Variants in IGSF9B observed in about 807,000 individuals in gnomAD.
IGSF9B encodes the protein immunoglobulin superfamily member 9B, also known as protein turtle homolog B.
In IGSF9B, 48 loss-of-function variants were observed where a neutral mutation model predicts 143.7. That is an observed-to-expected ratio of 0.33 (90% CI 0.26 to 0.42). IGSF9B has a LOEUF of 0.42. Among genes scored for constraint, IGSF9B ranks in the 20% least tolerant of loss-of-function variants. IGSF9B has a pLI of 1.00. For missense variants in IGSF9B, 1,706 were observed against 1,980.0 expected (o/e 0.86, Z 2.63); for synonymous variants, 903 against 833.1 (o/e 1.08, Z -1.44).
chr11:133,919,061 T>G, intron 18 of IGSF9B: 3 of 474,146 alleles, frequency 6.3e-6, no homozygotes, highest in South Asian at 4.5e-5. Context: ...GAGTGCTCTC[T>G]CAGGCGGGCT....
Position 133,945,856 on chromosome 11 carries a change from G to A in IGSF9B, c.262+205C>T, listed in dbSNP as rs990418251. 5.9e-5 allele frequency among the ~76,000 whole-genome samples: 9 copies of A among 152,008 alleles called. No individual in the cohort carries two copies. Among genetic ancestry groups the A allele is most frequent in the African/African-American group, 2.2e-4 (9 of 41,376 alleles). On this transcript the variant is annotated intron_variant, in intron 2 of 19. Coordinates refer to ENST00000533871, the MANE Select transcript of IGSF9B (RefSeq NM_001277285.4). This position sits in a 1 kb window ranked among gnomAD's most constrained non-coding sequence, Gnocchi z 4.6. ...TCCACAGCCCAGGCGGTGCTGTTCA[G>A]AAGGCTTTACCCTGCCCCACCTCCA...
In IGSF9B at chr11:133,920,948, G is replaced by A; in HGVS notation, c.2777C>T (p.Pro926Leu). Residue 926 changes from proline (P) to leucine (L), a missense_variant, in exon 18 of 20, where the codon CCA becomes CTA. By Grantham distance (98) the Pro-to-Leu change is moderately conservative. Coordinates refer to ENST00000533871, the MANE Select transcript of IGSF9B (RefSeq NM_001277285.4). ...SSSQESYLPPPAYSPRFQPRG... is the reference protein window; with the variant it reads ...SSSQESYLPPLAYSPRFQPRG... ...GGGCTGGAACCGAGGGCTGTATGCTGGTGGTGGCAGGTAGGACTCCTGGCT... is the reference window on the plus strand; with the variant it reads ...GGGCTGGAACCGAGGGCTGTATGCTAGTGGTGGCAGGTAGGACTCCTGGCT... The A allele has an allele frequency of 6.2e-7, 1 of 1,610,808 alleles. No individual in the cohort carries two copies.
At chr11:133,923,527 TTA>T in intron 15 of IGSF9B, among the ~76,000 whole-genome samples, 1 of 152,230 alleles carries the variant, frequency 6.6e-6, no homozygotes, top group Non-Finnish European at 1.5e-5. Context: ...GCCTACCATC[TTA>T]TACTCATAGG....
At chr11:133,944,902 C>T (rs60365592) in intron 2 of IGSF9B, among the ~76,000 whole-genome samples, 6,088 of 152,180 alleles carry the variant, frequency 0.04, 395 homozygotes, top group African/African-American at 0.14. Flanking sequence ...ATGCTAGGGT[C>T]CCCTCCCAGT....
Position 133,921,254 on chromosome 11 carries a change from T to G in IGSF9B, c.2471A>C (p.Lys824Thr). 1 of 1,611,076 alleles carries G rather than the reference T, an allele frequency of 6.2e-7. No individual in the cohort carries two copies. The highest frequency in any genetic ancestry group is 8.5e-7 in the Non-Finnish European group (1 of 1,179,122). The change falls in exon 18 of 20, where the codon AAG becomes ACG. Residue 824 changes from lysine to threonine, a missense_variant. Lys to Thr is a moderately conservative substitution (Grantham distance 78). This residue lies in a region of IGSF9B where 135 missense variants were observed against 181.3 expected (regional missense o/e 0.74). Transcript: ENST00000533871. ...GTACTTCTTGCTGCTGATGGCCCGC[T>G]TGGTCTTCTTGTACAGCGACAGCTC... ...EKELSLYKKT[K>T]RAISSKKYSV...
At chr11:133,922,129 G>A (rs774342104) in intron 17 of IGSF9B, 48 bp downstream of exon 17, 37 of 1,546,044 alleles carry the variant, frequency 2.4e-5, no homozygotes, top group African/African-American at 6.8e-5. Context: ...CTACCTATGC[G>A]CCCCCTGCCA....
At position 133,898,414 on chromosome 11, in the gene IGSF9B, A is replaced by C. The variant is rs745653607; in HGVS notation, c.*10655T>G. ...GACCACCAGGTGAAATGGAGGAAAGAAGCTCATCTAAAACTTGCCCCCAGG... is the reference window on the plus strand; with the variant it reads ...GACCACCAGGTGAAATGGAGGAAAGCAGCTCATCTAAAACTTGCCCCCAGG... On this transcript the variant is annotated 3_prime_UTR_variant, in exon 20 of 20. Transcript: ENST00000533871. 1.3e-5 allele frequency: 2 copies of C among 153,304 alleles called. No homozygotes were observed. The highest frequency in any genetic ancestry group is 2.4e-5 in the African/African-American group (1 of 41,450). 9.5% of individuals were successfully genotyped at this position (153,304 alleles called of 1,614,324 possible). A position where few individuals can be genotyped will look rare whatever the true frequency, so the allele number is the denominator to read the frequency against.
rs547183245 is a variant in IGSF9B at position 133,914,249 on chromosome 11, G to A, written c.3984-2242C>T. On this transcript the variant is annotated intron_variant, in intron 18 of 19. Coordinates refer to ENST00000533871, the MANE Select transcript of IGSF9B (RefSeq NM_001277285.4). The stretch of plus-strand genomic sequence containing the variant: ...AGATGGAGACACTGAAGTTTAGAGA[G>A]GTGAGCAACCTGTCGAATCATCCAG... Among the ~76,000 whole-genome samples, 3 of 152,248 alleles carry A rather than the reference G, an allele frequency of 2.0e-5. No individual in the cohort carries two copies. The East Asian group carries it at 5.8e-4, about 29-fold the overall frequency.
chr11:133,916,455 C>CCTGCATCTCCCCAGGACCCA (rs1420986680), intron 18 of IGSF9B, among the ~76,000 whole-genome samples: 3 of 152,168 alleles, frequency 2.0e-5, no homozygotes, highest in Non-Finnish European at 2.9e-5. Flanking sequence ...CTGAACAGAG[C>CCTGCATCTCCCCAGGACCCA]CTGCATCTCC....
intron 19 of IGSF9B, among the ~76,000 whole-genome samples, chr11:133,910,219 G>A (rs533603704): frequency 6.6e-6 from 1 of 152,316 alleles, no homozygotes; most frequent in African/African-American, 2.4e-5. Context: ...ACACACGCCT[G>A]CACGTGTGTG....
In IGSF9B at chr11:133,936,160, G is replaced by A. The variant is rs1939818646; in HGVS notation, c.714C>T (p.Ile238=). The A allele has an allele frequency of 1.2e-6, 2 of 1,612,078 alleles. No homozygotes were observed. Among genetic ancestry groups the A allele is most frequent in the Non-Finnish European group, 1.7e-6 (2 of 1,179,140 alleles). The change falls in exon 6 of 20, where the codon ATC becomes ATT. Residue 238 remains isoleucine, a synonymous_variant. Coordinates refer to ENST00000533871, the MANE Select transcript of IGSF9B (RefSeq NM_001277285.4). Reference sequence around the variant, plus strand: ...GAGCATCCTGGGAGATGTTGACGGTGATGTTCTCAGGAGGGGAGACGATGA... The same window carrying A: ...GAGCATCCTGGGAGATGTTGACGGTAATGTTCTCAGGAGGGGAGACGATGA... ...PPFIVSPPEN[I]TVNISQDALL...
Position 133,918,908 on chromosome 11 carries a change from A to C in IGSF9B, c.3983+834T>G, listed in dbSNP as rs549377071. The C allele has an allele frequency of 4.8e-4, 220 of 453,634 alleles. 1 individual carries two copies. The highest frequency in any genetic ancestry group is 4.1e-3 in the African/African-American group (201 of 49,144). The allele number at this position is 453,634 out of a possible 1,614,324, so 28.1% of individuals were successfully genotyped here. On this transcript the variant is annotated intron_variant, in intron 18 of 19. Transcript: ENST00000533871. ...AAAGGCGATGGTGAGGAAGGAAGAT[A>C]GGAGAGAGAAAGACTGACTGGAGAA...
At chr11:133,935,260 A>G (rs984064709) in intron 7 of IGSF9B, among the ~76,000 whole-genome samples, 4 of 152,224 alleles carry the variant, frequency 2.6e-5, no homozygotes, top group Non-Finnish European at 5.9e-5. Context: ...ACACCTGAGA[A>G]AAGAGCACCA....
chr11:133,917,539 T>G (rs555045535), intron 18 of IGSF9B, among the ~76,000 whole-genome samples: 1 of 152,138 alleles, frequency 6.6e-6, no homozygotes, highest in African/African-American at 2.4e-5. Context: ...AACAGGGACC[T>G]TGAAAGCAAT....
chr11:133,918,947 G>GGGGGAGGAGGAGCGGGGACGGCA (rs1939449404), intron 18 of IGSF9B: 1 of 465,892 alleles, frequency 2.1e-6, no homozygotes, highest in African/African-American at 2.0e-5. Context: ...AGGAGGGGCA[G>GGGGGAGGAGGAGCGGGGACGGCA]GGGGAGGAGG....
Position 133,911,887 on chromosome 11 carries a change from G to A in IGSF9B, c.4104C>T (p.Ser1368=), listed in dbSNP as rs759846430. ...SKGSSKSKKR[S]DDSASQTQQL... The stretch of plus-strand genomic sequence containing the variant: ...GGCGGGCCACTGCCCATCATTTACC[G>A]GATCGTTTCTTTGACTTCGAAGAGC... The change falls in exon 19 of 20, where the codon TCC becomes TCT. Residue 1368 remains serine, a splice_region_variant and synonymous_variant. Coordinates refer to ENST00000533871, the MANE Select transcript of IGSF9B (RefSeq NM_001277285.4). 48 of 1,526,968 alleles carry A rather than the reference G, an allele frequency of 3.1e-5. No homozygotes were observed. The South Asian group carries it at 3.5e-4, about 11-fold the overall frequency. The allele number at this position is 1,526,968 out of a possible 1,614,324, so 94.6% of individuals were successfully genotyped here.
chr11:133,940,919 G>C (rs193130118), intron 3 of IGSF9B, among the ~76,000 whole-genome samples: 153 of 152,358 alleles, frequency 1.0e-3, no homozygotes, highest in African/African-American at 3.5e-3. Flanking sequence ...TTCTCACTGA[G>C]AGCGTGCTTA....
In IGSF9B at chr11:133,909,207, G is replaced by A; in HGVS notation, c.4176C>T (p.Leu1392=). ...QVLWPDEAVC[L]RKKKRHSRPD... ...GACGAGAATGTCTCTTCTTCTTTCG[G>A]AGGCAGACAGCTTCATCGGGCCACA... Residue 1392 remains leucine, a synonymous_variant, in exon 20 of 20, where the codon CTC becomes CTT. Transcript: ENST00000533871. The surrounding 1 kb of genome is among the most constrained non-coding windows in gnomAD (Gnocchi z 4.2). 1 of 1,535,912 alleles carries A rather than the reference G, an allele frequency of 6.5e-7. No homozygotes were observed. The highest frequency in any genetic ancestry group is 1.7e-4 in the Middle Eastern group (1 of 5,984).
chr11:133,903,244 G>A lies in IGSF9B; in HGVS notation c.*5825C>T, dbSNP rs149207489. Among the ~76,000 whole-genome samples the A allele has an allele frequency of 4.1e-3, 617 of 152,078 alleles. 2 individuals carry two copies. The highest frequency in any genetic ancestry group is 0.014 in the African/African-American group (580 of 41,478). On this transcript the variant is annotated 3_prime_UTR_variant, in exon 20 of 20. Coordinates refer to ENST00000533871, the MANE Select transcript of IGSF9B (RefSeq NM_001277285.4). Reference sequence around the variant, plus strand: ...GGTGGAGCACACTTCTTCAAGACCCGAAAGAAAGGCAGGCCCAGGCAGCCA... The same window carrying A: ...GGTGGAGCACACTTCTTCAAGACCCAAAAGAAAGGCAGGCCCAGGCAGCCA...
Sources: allele counts gnomAD v4.1 joint callset (sites outside exome capture counted in the v4.1 genomes callset), GRCh38; gene constraint gnomAD v4.1.1; regional missense constraint gnomAD v4.1.1; non-coding constraint Gnocchi (gnomAD v3.1); transcripts MANE v1.5; gene names NCBI Gene and HGNC (gene_info 2026-07-23, HGNC 2026-07-21).